Variants in CSMD1 observed in about 807,000 individuals in gnomAD.
The protein encoded by CSMD1 is CUB and Sushi multiple domains 1, also known as CUB and sushi domain-containing protein 1.
Under a neutral mutation model 417.5 loss-of-function variants are expected in CSMD1, and 213 were observed. The observed-to-expected ratio is 0.51, with a 90% CI of 0.46 to 0.57. CSMD1 has a LOEUF of 0.57. CSMD1 is among the 20% of genes least tolerant of loss of function. The pLI, the probability that CSMD1 is intolerant of heterozygous loss-of-function variation, is 0.00. For synonymous variants in CSMD1, 2,862 were observed against 1,736.8 expected, an observed-to-expected ratio of 1.65 and a Z score of -16.11; for missense variants, 6,923 against 4,529.7, an observed-to-expected ratio of 1.53 and a Z score of -15.17.
intron 2 of CSMD1, among the ~76,000 whole-genome samples, chr8:4,570,628 G>T (rs1252764653): frequency 6.6e-6 from 1 of 152,178 alleles, no homozygotes; most frequent in Non-Finnish European, 1.5e-5. Flanking sequence ...TCTCTGCCAG[G>T]TTTTGGTATT....
intron 10 of CSMD1, among the ~76,000 whole-genome samples, chr8:3,526,960 T>G (rs1045155937): frequency 6.6e-6 from 1 of 152,164 alleles, no homozygotes; most frequent in East Asian, 1.9e-4. Flanking sequence ...GTCTATGTTG[T>G]TGGGTGCAGC....
chr8:4,757,815 G>A (rs954176463), intron 1 of CSMD1, among the ~76,000 whole-genome samples: 10 of 151,756 alleles, frequency 6.6e-5, no homozygotes, highest in East Asian at 5.8e-4. Flanking sequence ...GAAAATTAGC[G>A]AGGCACGGTG....
intron 3 of CSMD1, among the ~76,000 whole-genome samples, chr8:4,204,340 T>C (rs555245255): frequency 1.3e-5 from 2 of 152,300 alleles, no homozygotes; most frequent in African/African-American, 2.4e-5. Context: ...AAATGTCCTA[T>C]TTCCACTTCT....
intron 3 of CSMD1, among the ~76,000 whole-genome samples, chr8:4,200,148 G>C (rs577540160): frequency 1.0e-3 from 153 of 152,248 alleles, no homozygotes; most frequent in African/African-American, 3.6e-3. Flanking sequence ...TAACATTATA[G>C]TCTGAAATTG....
intron 41 of CSMD1, among the ~76,000 whole-genome samples, chr8:3,140,286 C>A (rs187299647): frequency 6.6e-6 from 1 of 152,122 alleles, no homozygotes; most frequent in Non-Finnish European, 1.5e-5. Flanking sequence ...GCAAGCAGAT[C>A]TGTATCCATT....
At chr8:3,840,636 C>G (rs1043628169) in intron 5 of CSMD1, among the ~76,000 whole-genome samples, 1 of 151,290 alleles carries the variant, frequency 6.6e-6, no homozygotes. Context: ...TGTGTGTGCA[C>G]TTGCTAGTGT....
intron 5 of CSMD1, among the ~76,000 whole-genome samples, chr8:3,851,288 G>C (rs1284577972): frequency 2.0e-5 from 3 of 152,182 alleles, no homozygotes; most frequent in African/African-American, 4.8e-5. Context: ...TTTAGGGACT[G>C]GTCTTTTCAT....
intron 5 of CSMD1, among the ~76,000 whole-genome samples, chr8:3,919,170 T>A (rs1809042137): frequency 7.6e-6 from 1 of 131,956 alleles, no homozygotes. Flanking sequence ...TGCCTGTACT[T>A]TTCGTGTCAT....
rs558561553 is a variant in CSMD1, at chr8:4,465,900, C to G, written c.303-45835G>C. Among the ~76,000 whole-genome samples, 7 of 152,286 alleles carry G rather than the reference C, an allele frequency of 4.6e-5. No homozygotes were observed. The South Asian group carries it at 1.2e-3, about 27-fold the overall frequency. Reference sequence around the variant, plus strand: ...GGAAGTGGCTGACTCACTGCACTAACAAACTCACAGCCATAGAAGAAGGAA... The same window carrying G: ...GGAAGTGGCTGACTCACTGCACTAAGAAACTCACAGCCATAGAAGAAGGAA... On this transcript the variant is annotated intron_variant, in intron 2 of 69. Transcript: ENST00000635120.
chr8:3,775,715 C>CA (rs1178248780), intron 5 of CSMD1, among the ~76,000 whole-genome samples: 1 of 152,206 alleles, frequency 6.6e-6, no homozygotes, highest in African/African-American at 2.4e-5. Context: ...ATGATGCACG[C>CA]AAACACACAG....
chr8:3,529,395 T>A (rs765013541), intron 10 of CSMD1, among the ~76,000 whole-genome samples: 2 of 152,100 alleles, frequency 1.3e-5, no homozygotes, highest in Non-Finnish European at 2.9e-5. Flanking sequence ...ATTGACTATA[T>A]TGAAGGAGAT....
At chr8:3,982,798 G>C (rs1429517605) in intron 5 of CSMD1, among the ~76,000 whole-genome samples, 2 of 152,162 alleles carry the variant, frequency 1.3e-5, no homozygotes, top group Non-Finnish European at 2.9e-5. Flanking sequence ...GCAAGAATCC[G>C]CTGGAGGATT....
At chr8:4,816,274 T>A (rs1314873213) in intron 1 of CSMD1, among the ~76,000 whole-genome samples, 1 of 152,070 alleles carries the variant, frequency 6.6e-6, no homozygotes, top group Non-Finnish European at 1.5e-5. Context: ...AAACTCTGCC[T>A]CCTGGGTTCA....
intron 3 of CSMD1, among the ~76,000 whole-genome samples, chr8:4,361,529 A>T (rs927687089): frequency 1.5e-4 from 23 of 152,170 alleles, no homozygotes; most frequent in African/African-American, 4.8e-4. Flanking sequence ...TCAGGTAACG[A>T]CCACGGTCCT....
chr8:3,273,390 T>A (rs1802020897), intron 26 of CSMD1, among the ~76,000 whole-genome samples: 1 of 152,106 alleles, frequency 6.6e-6, no homozygotes, highest in African/African-American at 2.4e-5. Context: ...GGTCTAAAAT[T>A]CTCTTTTTTG....
At chr8:2,968,461 G>T (rs778577429) in intron 57 of CSMD1, among the ~76,000 whole-genome samples, 3 of 152,178 alleles carry the variant, frequency 2.0e-5, no homozygotes, top group Non-Finnish European at 4.4e-5. Flanking sequence ...AGTTTGTAAG[G>T]AAACTAAAAT....
At chr8:3,308,584 G>C in intron 23 of CSMD1, 81 bp from the exon 24 acceptor site, 1 of 1,143,658 alleles carries the variant, frequency 8.7e-7, no homozygotes, top group Non-Finnish European at 1.3e-6. Context: ...AAACAAGGTT[G>C]CTAAATGCTC....
At chr8:4,758,897 A>C (rs1811843378) in intron 1 of CSMD1, among the ~76,000 whole-genome samples, 2 of 152,148 alleles carry the variant, frequency 1.3e-5, no homozygotes, top group South Asian at 4.1e-4. Context: ...ACAAAGCTTA[A>C]CCACATCATT....
intron 2 of CSMD1, among the ~76,000 whole-genome samples, chr8:4,456,553 G>A (rs188621114): frequency 2.0e-5 from 3 of 152,240 alleles, no homozygotes; most frequent in African/African-American, 7.2e-5. Context: ...ACCACTTTGG[G>A]TAGAACTGAA....
Sources: gnomAD v4.1 joint callset for allele counts (sites outside exome capture counted in the v4.1 genomes callset) on GRCh38, gnomAD v4.1.1 for gene constraint, MANE v1.5 for transcripts, NCBI Gene and HGNC (gene_info 2026-07-23, HGNC 2026-07-21) for gene names.